Variants in MCPH1 observed in about 807,000 individuals in gnomAD.
MCPH1 encodes microcephalin 1, also known as microcephalin.
A neutral mutation model predicts 84.5 loss-of-function variants in MCPH1; 104 were observed. That is an observed-to-expected ratio of 1.23 (90% CI 1.05 to 1.45). The LOEUF is 1.45. Ranked by LOEUF, MCPH1 falls within the 40% of genes most tolerant of loss-of-function variation. MCPH1 has a pLI of 0.00. For missense variants in MCPH1, 1,498 were observed against 1,005.7 expected, an observed-to-expected ratio of 1.49 and a Z score of -6.62; for synonymous variants, 514 against 366.8, an observed-to-expected ratio of 1.40 and a Z score of -4.58.
At chr8:6,626,838 CTGT>C (rs1796752248) in intron 13 of MCPH1, 2 of 985,170 alleles carry the variant, frequency 2.0e-6, no homozygotes, top group Non-Finnish European at 2.4e-6. Flanking sequence ...CTCCCTGCTG[CTGT>C]TATCACGAAA....
intron 3 of MCPH1, among the ~76,000 whole-genome samples, chr8:6,430,771 T>C (rs965214605): frequency 2.0e-5 from 3 of 151,974 alleles, no homozygotes; most frequent in African/African-American, 7.3e-5. Flanking sequence ...TGACAGAAGG[T>C]TTTTATCTAG....
chr8:6,641,253 C>G (rs551620799), intron 13 of MCPH1, among the ~76,000 whole-genome samples: 3 of 152,204 alleles, frequency 2.0e-5, no homozygotes, highest in African/African-American at 7.2e-5. Flanking sequence ...AGTCAGAAAA[C>G]TAAGTGTAAA....
chr8:6,422,666 A>G (rs1223992563), intron 3 of MCPH1, among the ~76,000 whole-genome samples: 1 of 152,090 alleles, frequency 6.6e-6, no homozygotes, highest in Non-Finnish European at 1.5e-5. Context: ...TAATACTTGT[A>G]ACTTCGTTAT....
rs945915340 is a variant in MCPH1 at position 6,416,995 on chromosome 8, A to C, written c.233+2112A>C. On this transcript the variant is annotated intron_variant, in intron 3 of 13. Coordinates refer to ENST00000344683, the MANE Select transcript of MCPH1 (RefSeq NM_024596.5). ...GGCGACAAGAGCGGGGAAAAAAAAA[A>C]AAGAGTAAGGGGTCCTTCTCTGGCT... Among the ~76,000 whole-genome samples the C allele has an allele frequency of 2.0e-5, 3 of 152,106 alleles. No individual in the cohort carries two copies. In the South Asian group the frequency reaches 6.2e-4, roughly 32 times the overall value.
intron 13 of MCPH1, among the ~76,000 whole-genome samples, chr8:6,629,566 C>T (rs553147171): frequency 6.6e-6 from 1 of 152,252 alleles, no homozygotes; most frequent in African/African-American, 2.4e-5. Context: ...CATCTGCAAC[C>T]CGAGCAGTCT....
intron 12 of MCPH1, among the ~76,000 whole-genome samples, chr8:6,523,141 G>A (rs917755878): frequency 7.9e-5 from 12 of 151,996 alleles, no homozygotes; most frequent in Non-Finnish European, 1.3e-4. Flanking sequence ...GGGACTACAG[G>A]CGCATGTCAC....
chr8:6,431,214 A>C (rs1801785216), intron 3 of MCPH1, among the ~76,000 whole-genome samples: 1 of 152,210 alleles, frequency 6.6e-6, no homozygotes. Context: ...AGTACCATGC[A>C]CTAATAATTT....
intron 12 of MCPH1, among the ~76,000 whole-genome samples, chr8:6,564,676 C>T (rs192782374): frequency 2.3e-4 from 35 of 152,306 alleles, no homozygotes; most frequent in African/African-American, 8.2e-4. Flanking sequence ...CATAAAAGAT[C>T]TTTATTTTTT....
chr8:6,626,150 G>T, intron 13 of MCPH1: 1 of 985,150 alleles, frequency 1.0e-6, no homozygotes, highest in Non-Finnish European at 1.2e-6. Context: ...AATTTCTTTC[G>T]ACCTCAGCTC....
At chr8:6,428,532 A>G (rs1313037555) in intron 3 of MCPH1, among the ~76,000 whole-genome samples, 2 of 152,218 alleles carry the variant, frequency 1.3e-5, no homozygotes, top group Non-Finnish European at 2.9e-5. Context: ...TTCTCCCGCC[A>G]GCCAAGGCAG....
At chr8:6,419,307 C>T (rs955129511) in intron 3 of MCPH1, among the ~76,000 whole-genome samples, 3 of 152,130 alleles carry the variant, frequency 2.0e-5, no homozygotes, top group African/African-American at 7.2e-5. Context: ...GCAGCCTTGA[C>T]CTCTAAGGCT....
At chr8:6,549,043 A>T (rs1312630652) in intron 12 of MCPH1, among the ~76,000 whole-genome samples, 2 of 152,198 alleles carry the variant, frequency 1.3e-5, no homozygotes, top group Admixed American at 6.5e-5. Flanking sequence ...CACTCAGCGT[A>T]TTTTCTGCAG....
Position 6,444,536 on chromosome 8 carries a change from A to G in MCPH1, c.814A>G (p.Asn272Asp). ...TATTTCTTCACTTGTATTGAAAGCA[A>G]ATAATATTCATTCATCACCATCTTT... ...VCISSLVLKANNIHSSPSFTH... is the reference protein window; with the variant it reads ...VCISSLVLKADNIHSSPSFTH... Residue 272 changes from asparagine to aspartate, a missense_variant, in exon 8 of 14, where the codon AAT (asparagine) becomes GAT (aspartate). Coordinates refer to ENST00000344683, the MANE Select transcript of MCPH1 (RefSeq NM_024596.5). 1 of 1,614,170 alleles carries G rather than the reference A, an allele frequency of 6.2e-7. No individual in the cohort carries two copies. The highest frequency in any genetic ancestry group is 8.5e-7 in the Non-Finnish European group (1 of 1,180,014).
chr8:6,572,676 T>C (rs1826757558), intron 12 of MCPH1, among the ~76,000 whole-genome samples: 1 of 152,182 alleles, frequency 6.6e-6, no homozygotes, highest in Admixed American at 6.5e-5. Context: ...GGTGATAAGG[T>C]TACTACTATT....
rs9644411 is a variant in MCPH1, at chr8:6,426,852, G to C, written c.234-4647G>C. Among the ~76,000 whole-genome samples the C allele has an allele frequency of 0.014, 2,125 of 152,098 alleles. 112 individuals are homozygous for C. In the East Asian group the frequency reaches 0.16, roughly 12 times the overall value. ...TTTTTTTTTCCCAACATTGTTTTAA[G>C]ATCTAATTCATATGCTACACAATTT... On this transcript the variant is annotated intron_variant, in intron 3 of 13. Transcript: ENST00000344683.
intron 8 of MCPH1, among the ~76,000 whole-genome samples, chr8:6,453,964 C>T (rs1475606276): frequency 6.6e-6 from 1 of 152,184 alleles, no homozygotes; most frequent in Admixed American, 6.5e-5. Context: ...CAAATAACAA[C>T]TAGCTTGAAT....
intron 13 of MCPH1, among the ~76,000 whole-genome samples, chr8:6,638,528 G>C (rs1563225978): frequency 6.6e-6 from 1 of 151,022 alleles, no homozygotes; most frequent in Non-Finnish European, 1.5e-5. Context: ...GTAAACTTTA[G>C]CTTGTGCGTA....
chr8:6,641,162 G>C (rs1289726880), intron 13 of MCPH1, among the ~76,000 whole-genome samples: 1 of 151,734 alleles, frequency 6.6e-6, no homozygotes, highest in African/African-American at 2.4e-5. Flanking sequence ...GAAATTTTTG[G>C]ATTACATTGA....
intron 12 of MCPH1, among the ~76,000 whole-genome samples, chr8:6,552,248 G>T (rs536604814): frequency 1.3e-5 from 2 of 152,172 alleles, no homozygotes. Flanking sequence ...AAGCAGCATT[G>T]CTTACGACTC....
Sources: gnomAD v4.1 joint callset for allele counts (sites outside exome capture counted in the v4.1 genomes callset) on GRCh38, gnomAD v4.1.1 for gene constraint, MANE v1.5 for transcripts, NCBI Gene and HGNC (gene_info 2026-07-23, HGNC 2026-07-21) for gene names.